The following WDR46 variants were observed in gnomAD, a reference collection of about 807,000 sequenced individuals.
The protein encoded by WDR46 is WD repeat-containing protein 46.
A neutral mutation model predicts 74.7 loss-of-function variants in WDR46; 58 were observed. The observed-to-expected ratio is 0.78, with a 90% CI of 0.63 to 0.97. WDR46 has a LOEUF of 0.97. Ranked by LOEUF, WDR46 falls within the 50% of genes least tolerant of loss-of-function variation. WDR46 has a pLI of 0.00. For synonymous variants in WDR46, 278 were observed against 297.3 expected (o/e 0.93, Z 0.67); for missense variants, 702 against 790.1 (o/e 0.89, Z 1.34).
At position 33,279,171 on chromosome 6, in the gene WDR46, TG is replaced by T. The variant is rs751058975; in HGVS notation, c.*104del. Reference sequence around the variant, plus strand: ...CAGGAGACAGCTGTCCACCCCCAGTTGGGGAAGGGGCCACACTGCCCCCACC... The same window carrying T: ...CAGGAGACAGCTGTCCACCCCCAGTTGGGAAGGGGCCACACTGCCCCCACC... On this transcript the variant is annotated 3_prime_UTR_variant, in exon 15 of 15. Coordinates refer to ENST00000374617, the MANE Select transcript of WDR46 (RefSeq NM_005452.6). The T allele has an allele frequency of 3.0e-4, 450 of 1,499,526 alleles. No homozygotes were observed. The highest frequency in any genetic ancestry group is 3.9e-4 in the Non-Finnish European group (434 of 1,103,138). The allele number at this position is 1,499,526 out of a possible 1,614,324, so 92.9% of individuals were successfully genotyped here.
chr6:33,285,816 A>G (rs1329448891), intron 10 of WDR46, among the ~76,000 whole-genome samples: 1 of 143,048 alleles, frequency 7.0e-6, no homozygotes, highest in Non-Finnish European at 1.5e-5. Context: ...GAGCCACCGC[A>G]CCTGGCCATA....
Position 33,289,027 on chromosome 6 carries a change from A to C in WDR46, c.70-14T>G. 1 of 1,613,572 alleles carries C rather than the reference A, an allele frequency of 6.2e-7. No individual in the cohort carries two copies. Among genetic ancestry groups the C allele is most frequent in the Non-Finnish European group, 8.5e-7 (1 of 1,179,632 alleles). On this transcript the variant is annotated splice_polypyrimidine_tract_variant and intron_variant, in intron 1 of 14. Transcript: ENST00000374617. ...TCGCCGCGGTTTCTACAGGCACATC[A>C]GGAACTCCGCACTCACGCCCCGCCC...
chr6:33,288,575 C>G, intron 3 of WDR46, 39 bp downstream of exon 3: 1 of 1,611,118 alleles, frequency 6.2e-7, no homozygotes. Context: ...CAGACACTCC[C>G]TGCCTCCAGC....
chr6:33,287,913 A>G (rs1766822016), intron 6 of WDR46, 52 bp downstream of exon 6: 36 of 1,603,218 alleles, frequency 2.2e-5, no homozygotes, highest in Middle Eastern at 3.3e-4. Flanking sequence ...GAATGGCTGA[A>G]GTGGTTAAGG....
In WDR46 at chr6:33,287,264, T is replaced by C. The variant is rs370038971; in HGVS notation, c.880-38A>G. 44 of 1,612,770 alleles carry C rather than the reference T, an allele frequency of 2.7e-5. No individual in the cohort carries two copies. In the African/African-American group the frequency reaches 5.8e-4, roughly 21 times the overall value. ...GACAGAGAGAATGACCCAGTCCTGA[T>C]TGCCCTCTGTATTCCCTCTGCTGGG... On this transcript the variant is annotated intron_variant, in intron 8 of 14. Coordinates refer to ENST00000374617, the MANE Select transcript of WDR46 (RefSeq NM_005452.6).
intron 12 of WDR46, 31 bp downstream of exon 12, chr6:33,280,397 G>GA (rs113238182): frequency 6.4e-7 from 1 of 1,550,686 alleles, no homozygotes; most frequent in Non-Finnish European, 8.7e-7. Flanking sequence ...CAATGGGGGG[G>GA]ATCTCACCCT....
rs377672645 is a variant in WDR46 at position 33,287,318 on chromosome 6, G to T, written c.879+37C>A. The T allele has an allele frequency of 1.1e-4, 174 of 1,612,502 alleles. 1 individual carries two copies. Among genetic ancestry groups the T allele is most frequent in the Admixed American group, 1.3e-4 (8 of 59,794 alleles). ...CTAAAGGAGAGGTGGTCATCCCAAG[G>T]GCTTCCAACCAGTTCCTGAGCTCCA... is the stretch of plus-strand genomic sequence containing the variant. On this transcript the variant is annotated intron_variant, in intron 8 of 14. Transcript: ENST00000374617.
In WDR46 at chr6:33,280,779, G is replaced by A; in HGVS notation, c.1324C>T (p.Leu442Phe). 1 of 1,614,126 alleles carries A rather than the reference G, an allele frequency of 6.2e-7. No individual in the cohort carries two copies. Among genetic ancestry groups the A allele is most frequent in the South Asian group, 1.1e-5 (1 of 91,084 alleles). ...ASPPSLEQPY[L>F]THRLSGPVHG... ...ACAGGGCCTGAGAGCCGGTGGGTGA[G>A]GTAGGGCTGTTCAAGGGAGGGTGGG... The change falls in exon 11 of 15, where the codon CTC becomes TTC. Residue 442 changes from leucine (L) to phenylalanine (F), a missense_variant. Leu to Phe is a conservative substitution (Grantham distance 22). Coordinates refer to ENST00000374617, the MANE Select transcript of WDR46 (RefSeq NM_005452.6).
At chr6:33,282,977 C>G (rs566861357) in intron 10 of WDR46, among the ~76,000 whole-genome samples, 3 of 152,310 alleles carry the variant, frequency 2.0e-5, no homozygotes, top group African/African-American at 7.2e-5. Context: ...TTTGGGAGGA[C>G]AGGCGGGTGG....
intron 10 of WDR46, among the ~76,000 whole-genome samples, chr6:33,286,184 C>A (rs531459031): frequency 6.6e-6 from 1 of 151,466 alleles, no homozygotes; most frequent in Non-Finnish European, 1.5e-5. Flanking sequence ...CAGTGGCTCA[C>A]GCCTATAATC....
At position 33,280,483 on chromosome 6, in the gene WDR46, G is replaced by A. The variant is rs1369267697; in HGVS notation, c.1469C>T (p.Pro490Leu). The change falls in exon 12 of 15, where the codon CCA becomes CTA. Residue 490 changes from proline (P) to leucine (L), a missense_variant. Transcript: ENST00000374617. ...EPNFDGLESNPYRSRKQRQEW... is the reference protein window; with the variant it reads ...EPNFDGLESNLYRSRKQRQEW... Reference sequence around the variant, plus strand: ...CTGGCGCTGCTTCCGGCTTCTGTATGGATTACTCTCCAGGCCATCGAAGTT... The same window carrying A: ...CTGGCGCTGCTTCCGGCTTCTGTATAGATTACTCTCCAGGCCATCGAAGTT... 6.2e-7 allele frequency: 1 copy of A among 1,601,254 alleles called. No individual in the cohort carries two copies. Among genetic ancestry groups the A allele is most frequent in the Non-Finnish European group, 8.5e-7 (1 of 1,173,124 alleles).
At chr6:33,279,691 T>C in intron 13 of WDR46, 73 bp downstream of exon 13, 1 of 1,612,506 alleles carries the variant, frequency 6.2e-7, no homozygotes, top group Non-Finnish European at 8.5e-7. Flanking sequence ...GCCGCACTTC[T>C]GGGGACAAGC....
At position 33,289,006 on chromosome 6, in the gene WDR46, C is replaced by G. The variant is rs1767003188; in HGVS notation, c.77G>C (p.Arg26Pro). Residue 26 changes from arginine (R) to proline (P), a missense_variant, in exon 2 of 15, where the codon CGG becomes CCG. Physicochemically the swap from Arg to Pro is moderately radical, Grantham distance 103. Transcript: ENST00000374617. ...AACGGTCTCTTCCTCCCAGTATCGCCGCGGTTTCTACAGGCACATCAGGAA... is the reference window on the plus strand; with the variant it reads ...AACGGTCTCTTCCTCCCAGTATCGCGGCGGTTTCTACAGGCACATCAGGAA... ...DKLQTKRKKP[R>P]RYWEEETVPT... 3 of 1,614,022 alleles carry G rather than the reference C, an allele frequency of 1.9e-6. No individual in the cohort carries two copies. The highest frequency in any genetic ancestry group is 3.3e-4 in the Middle Eastern group (2 of 6,062).
chr6:33,280,264 G>A (rs1766026497), intron 12 of WDR46, among the ~76,000 whole-genome samples, 164 bp downstream of exon 12: 1 of 134,272 alleles, frequency 7.4e-6, no homozygotes, highest in Non-Finnish European at 1.5e-5. Flanking sequence ...TTCTCCAGCA[G>A]GGGGGAACCT....
At position 33,286,887 on chromosome 6, in the gene WDR46, C is replaced by T. The variant is rs769265014; in HGVS notation, c.1023G>A (p.Val341=). The change falls in exon 10 of 15, where the codon GTG becomes GTA. Residue 341 remains valine, a synonymous_variant. Coordinates refer to ENST00000374617, the MANE Select transcript of WDR46 (RefSeq NM_005452.6). ...CCTTCATAGCTGGACTCCATAAAGA[C>T]ACAGTACCTGGAAGAGAAGAAGAAC... ...VIHLGHSNGT[V]SLWSPAMKEP... 58 of 1,613,984 alleles carry T rather than the reference C, an allele frequency of 3.6e-5. No individual in the cohort carries two copies. Among genetic ancestry groups the T allele is most frequent in the Non-Finnish European group, 4.7e-5 (56 of 1,180,018 alleles).
At position 33,279,357 on chromosome 6, in the gene WDR46, G is replaced by C. The variant is rs200961844; in HGVS notation, c.1752C>G (p.Ser584Arg). 8 of 1,614,080 alleles carry C rather than the reference G, an allele frequency of 5.0e-6. No homozygotes were observed. The Admixed American group carries it at 1.0e-4, about 20-fold the overall frequency. Residue 584 changes from serine to arginine, a missense_variant, in exon 15 of 15, where the codon AGC becomes AGG. By Grantham distance (110) the Ser-to-Arg change is moderately radical. Coordinates refer to ENST00000374617, the MANE Select transcript of WDR46 (RefSeq NM_005452.6). ...CCTCCTTATGATGCTGCTGCTGAAG[G>C]CTCTGCCGGACCTTGTCCTGGGGAC... Reference protein sequence around the residue: ...DEEHRDKVRQSLQQQHHKEAK... With the variant: ...DEEHRDKVRQRLQQQHHKEAK...
intron 10 of WDR46, among the ~76,000 whole-genome samples, 198 bp from the exon 11 acceptor site, chr6:33,281,185 G>T (rs150406255): frequency 6.3e-4 from 96 of 152,286 alleles, no homozygotes; most frequent in Non-Finnish European, 9.9e-4. Context: ...CCTTTAAGAG[G>T]TGAGGAAACT....
intron 10 of WDR46, among the ~76,000 whole-genome samples, chr6:33,281,697 G>A (rs1464291695): frequency 6.6e-6 from 1 of 152,218 alleles, no homozygotes; most frequent in Non-Finnish European, 1.5e-5. Context: ...GACCTACTCA[G>A]GGAAGTGGTG....
At chr6:33,280,163 C>T (rs765612490) in intron 12 of WDR46, among the ~76,000 whole-genome samples, 1 of 147,366 alleles carries the variant, frequency 6.8e-6, no homozygotes. Context: ...CCCTCTCCAG[C>T]AGGGGGAATC....
Sources: gnomAD v4.1 joint callset for allele counts (sites outside exome capture counted in the v4.1 genomes callset) on GRCh38, gnomAD v4.1.1 for gene constraint, MANE v1.5 for transcripts, NCBI Gene and HGNC (gene_info 2026-07-23, HGNC 2026-07-21) for gene names.